FAM81A: variants seen among roughly 807,000 people sequenced by gnomAD.
The protein encoded by FAM81A is protein FAM81A.
FAM81A carries 19 observed loss-of-function variants against 46.7 expected under a neutral mutation model. The observed-to-expected ratio is 0.41, with a 90% CI of 0.28 to 0.60. The LOEUF (loss-of-function observed/expected upper bound fraction) is 0.60, where lower values mean the gene tolerates loss of function less well. Among genes scored for constraint, FAM81A ranks in the 20% least tolerant of loss-of-function variants. The probability of loss-of-function intolerance (pLI) is 0.34; values close to 1 mark genes in which losing one functional copy is unlikely to be tolerated. For synonymous variants in FAM81A, 183 were observed against 152.9 expected (o/e 1.20, Z -1.45); for missense variants, 377 against 453.5 (o/e 0.83, Z 1.53).
intron 2 of FAM81A, among the ~76,000 whole-genome samples, chr15:59,431,688 C>T (rs2081221153): frequency 6.6e-6 from 1 of 152,186 alleles, no homozygotes; most frequent in African/African-American, 2.4e-5. Flanking sequence ...TACATCTTCC[C>T]CAAGGAAAGT....
upstream of FAM81A, among the ~76,000 whole-genome samples, chr15:59,434,202 G>T (rs1038146944): frequency 6.6e-6 from 1 of 152,160 alleles, no homozygotes; most frequent in Admixed American, 6.5e-5. Flanking sequence ...ATAATGAAAG[G>T]AATGGTAGAA....
chr15:59,498,851 C>T (rs747614409), intron 4 of FAM81A, among the ~76,000 whole-genome samples: 1 of 152,124 alleles, frequency 6.6e-6, no homozygotes, highest in Non-Finnish European at 1.5e-5. Context: ...GATGGGGATT[C>T]GCCATATTGG....
intron 3 of FAM81A, among the ~76,000 whole-genome samples, chr15:59,485,421 A>C (rs77031374): frequency 0.087 from 13,218 of 152,220 alleles, 709 homozygotes; most frequent in African/African-American, 0.15. Flanking sequence ...CAAAGAAAGA[A>C]AGACTTTGCT....
chr15:59,519,056 A>G (rs1396517482), intron 8 of FAM81A, among the ~76,000 whole-genome samples: 4 of 152,052 alleles, frequency 2.6e-5, no homozygotes, highest in Admixed American at 6.5e-5. Flanking sequence ...TCCTCATGCT[A>G]TACATTAGAC....
intron 3 of FAM81A, among the ~76,000 whole-genome samples, chr15:59,468,577 C>T (rs1472370482): frequency 2.6e-5 from 4 of 151,550 alleles, no homozygotes; most frequent in African/African-American, 9.7e-5. Context: ...TTTTTTATTG[C>T]ATCTATTTGA....
intron 2 of FAM81A, among the ~76,000 whole-genome samples, chr15:59,427,546 G>T (rs372581933): frequency 6.6e-6 from 1 of 151,376 alleles, no homozygotes; most frequent in Admixed American, 6.6e-5. Flanking sequence ...ACACTGCCCC[G>T]CTAGGCCCCA....
At chr15:59,437,588 T>G (rs1434328598), upstream of FAM81A, among the ~76,000 whole-genome samples, 2 of 152,076 alleles carry the variant, frequency 1.3e-5, no homozygotes, top group African/African-American at 4.8e-5. Context: ...GGGTCCCAAC[T>G]GCAGGTGTCA....
intron 4 of FAM81A, among the ~76,000 whole-genome samples, 192 bp from the exon 5 acceptor site, chr15:59,507,021 G>A (rs2082156268): frequency 6.6e-6 from 1 of 152,186 alleles, no homozygotes; most frequent in Non-Finnish European, 1.5e-5. Flanking sequence ...GCCTTATTAA[G>A]CAACATCCCT....
At chr15:59,507,184 A>C in intron 4 of FAM81A, 29 bp from the exon 5 acceptor site, 1 of 1,595,236 alleles carries the variant, frequency 6.3e-7, no homozygotes, top group Non-Finnish European at 8.5e-7. Flanking sequence ...AACTTTAATA[A>C]GAATCAGCTT....
chr15:59,460,427 T>A lies in FAM81A; in HGVS notation c.294+221T>A. ...TAACAGTTACTGTTAGTGTTATGTT[T>A]AATCTAAATTTACCTTGCTGATTAT... On this transcript the variant is annotated intron_variant, in intron 3 of 8. Coordinates refer to ENST00000288228, the MANE Select transcript of FAM81A (RefSeq NM_152450.3). This position sits in a 1 kb window ranked among gnomAD's most constrained non-coding sequence, Gnocchi z 4.4. 1.5e-6 allele frequency: 1 copy of A among 661,144 alleles called. No individual in the cohort carries two copies. Among genetic ancestry groups the A allele is most frequent in the Non-Finnish European group, 2.7e-6 (1 of 374,014 alleles). 41.0% of individuals were successfully genotyped at this position (661,144 alleles called of 1,614,324 possible).
intron 4 of FAM81A, among the ~76,000 whole-genome samples, chr15:59,502,216 T>G (rs2082099298): frequency 6.6e-6 from 1 of 151,580 alleles, no homozygotes; most frequent in Non-Finnish European, 1.5e-5. Context: ...AGTTTTAGGG[T>G]ACATGTGCAC....
At chr15:59,517,253 C>T (rs1348821913) in intron 8 of FAM81A, among the ~76,000 whole-genome samples, 3 of 152,170 alleles carry the variant, frequency 2.0e-5, no homozygotes, top group Non-Finnish European at 4.4e-5. Flanking sequence ...ACTGGCAGGT[C>T]AGCAGGGCGC....
At chr15:59,421,819 C>A (rs2081174438) in intron 2 of FAM81A, among the ~76,000 whole-genome samples, 1 of 151,062 alleles carries the variant, frequency 6.6e-6, no homozygotes, top group Non-Finnish European at 1.5e-5. Flanking sequence ...ACCAAAAAAG[C>A]ATTGAGGTTT....
intron 4 of FAM81A, among the ~76,000 whole-genome samples, chr15:59,497,937 A>C (rs1166347167): frequency 6.6e-6 from 1 of 152,078 alleles, no homozygotes; most frequent in Non-Finnish European, 1.5e-5. Flanking sequence ...AATTCCCTGC[A>C]GTTTGAACTC....
At chr15:59,449,301 A>G (rs1352046867) in intron 1 of FAM81A, among the ~76,000 whole-genome samples, 3 of 152,188 alleles carry the variant, frequency 2.0e-5, no homozygotes, top group Admixed American at 6.5e-5. Flanking sequence ...TTTTAAATTG[A>G]TACAGTGAAA....
At chr15:59,428,600 T>C (rs533372724) in intron 2 of FAM81A, among the ~76,000 whole-genome samples, 1 of 143,708 alleles carries the variant, frequency 7.0e-6, no homozygotes, top group South Asian at 2.3e-4. Flanking sequence ...CATCTTCTAC[T>C]ACCTAGATCC....
intron 1 of FAM81A, among the ~76,000 whole-genome samples, chr15:59,452,293 T>C (rs1349705072): frequency 6.6e-6 from 1 of 152,200 alleles, no homozygotes; most frequent in East Asian, 1.9e-4. Context: ...TGTCCATCAT[T>C]AAGGGGCTGG....
chr15:59,503,817 C>T (rs1475095047), intron 4 of FAM81A, among the ~76,000 whole-genome samples: 1 of 152,178 alleles, frequency 6.6e-6, no homozygotes, highest in Non-Finnish European at 1.5e-5. Context: ...AAGTGATCCA[C>T]CTGCCTCGGC....
intron 3 of FAM81A, among the ~76,000 whole-genome samples, chr15:59,486,743 G>GA (rs57345732): frequency 4.0e-5 from 6 of 150,872 alleles, no homozygotes; most frequent in African/African-American, 7.3e-5. Context: ...AGTGCTGAAG[G>GA]AAAAAAAAAC....
Sources: gnomAD v4.1 joint callset for allele counts (sites outside exome capture counted in the v4.1 genomes callset) on GRCh38, gnomAD v4.1.1 for gene constraint, Gnocchi (gnomAD v3.1) non-coding constraint, MANE v1.5 for transcripts, NCBI Gene and HGNC (gene_info 2026-07-23, HGNC 2026-07-21) for gene names.